PCDHGA2: variants seen among roughly 807,000 people sequenced by gnomAD.
PCDHGA2 encodes protocadherin gamma subfamily A, 2.
A neutral mutation model predicts 59.2 loss-of-function variants in PCDHGA2; 40 were observed. That is an observed-to-expected ratio of 0.68 (90% CI 0.52 to 0.88). The LOEUF is 0.88. PCDHGA2 is among the 40% of genes least tolerant of loss of function. PCDHGA2 has a pLI of 0.00. For missense variants in PCDHGA2, 1,226 were observed against 1,204.0 expected (o/e 1.02, Z -0.27); for synonymous variants, 560 against 526.0 (o/e 1.06, Z -0.89).
intron 1 of PCDHGA2, among the ~76,000 whole-genome samples, chr5:141,346,816 T>C (rs1341406572): frequency 6.6e-6 from 1 of 152,256 alleles, no homozygotes; most frequent in East Asian, 1.9e-4. Context: ...CTGGTTTGTA[T>C]ACCTGTGATA....
At chr5:141,370,547 C>T in intron 1 of PCDHGA2, 1 of 1,613,888 alleles carries the variant, frequency 6.2e-7, no homozygotes, top group Non-Finnish European at 8.5e-7. Flanking sequence ...GGAACCTCGC[C>T]AAGGACCTGG....
Position 141,340,323 on chromosome 5 carries a change from C to A in PCDHGA2, c.1352C>A (p.Ala451Asp). The A allele has an allele frequency of 6.2e-7, 1 of 1,614,136 alleles. No individual in the cohort carries two copies. The highest frequency in any genetic ancestry group is 8.5e-7 in the Non-Finnish European group (1 of 1,180,020). ...QVADINDNAPAFSRTSYSTYI... is the reference protein window; with the variant it reads ...QVADINDNAPDFSRTSYSTYI... ...GCAGACATCAACGACAACGCACCCGCCTTCTCCCGCACATCCTACTCCACC... is the reference window on the plus strand; with the variant it reads ...GCAGACATCAACGACAACGCACCCGACTTCTCCCGCACATCCTACTCCACC... The change falls in exon 1 of 4, where the codon GCC (alanine) becomes GAC (aspartate). Residue 451 changes from alanine (A) to aspartate (D), a missense_variant. By Grantham distance (126) the Ala-to-Asp change is moderately radical (BLOSUM62 -2). Coordinates refer to ENST00000394576, the MANE Select transcript of PCDHGA2 (RefSeq NM_018915.4).
intron 1 of PCDHGA2, among the ~76,000 whole-genome samples, chr5:141,438,349 C>G (rs892834423): frequency 6.6e-6 from 1 of 151,762 alleles, no homozygotes; most frequent in Non-Finnish European, 1.5e-5. Flanking sequence ...AGGATCTACT[C>G]TGTGTATTGT....
In PCDHGA2 at chr5:141,372,299, G is replaced by T. The variant is rs35459734; in HGVS notation, c.2424+30904G>T. The stretch of plus-strand genomic sequence containing the variant: ...GCACGGCGCGTACCTTGGGCGACAG[G>T]GAGGCCGCCCGCCAGCGCCTGCTGG... On this transcript the variant is annotated intron_variant, in intron 1 of 3. Coordinates refer to ENST00000394576, the MANE Select transcript of PCDHGA2 (RefSeq NM_018915.4). The T allele has an allele frequency of 1.9e-3, 2,997 of 1,613,318 alleles. 22 individuals are homozygous for T. Among genetic ancestry groups the T allele is most frequent in the African/African-American group, 0.017 (1,313 of 75,058 alleles).
At chr5:141,505,913 T>C (rs1457583355) in intron 3 of PCDHGA2, among the ~76,000 whole-genome samples, 1 of 152,098 alleles carries the variant, frequency 6.6e-6, no homozygotes, top group African/African-American at 2.4e-5. Context: ...AAGCATAGAG[T>C]TCTGGGCCTG....
chr5:141,379,889 C>CTTTTTGTTTTTTTTTTTTT (rs1775944261), intron 1 of PCDHGA2, among the ~76,000 whole-genome samples: 1 of 50,830 alleles, frequency 2.0e-5, no homozygotes, highest in Non-Finnish European at 3.9e-5. Flanking sequence ...GTGAAAGCCT[C>CTTTTTGTTTTTTTTTTTTT]TTTTTTTTTT....
chr5:141,509,024 C>T (rs2099873840), intron 3 of PCDHGA2, among the ~76,000 whole-genome samples: 1 of 152,108 alleles, frequency 6.6e-6, no homozygotes, highest in African/African-American at 2.4e-5. Flanking sequence ...GCTGCTCCCT[C>T]CCACTCAACC....
At chr5:141,497,079 C>T (rs564690352) in intron 2 of PCDHGA2, among the ~76,000 whole-genome samples, 2 of 151,982 alleles carry the variant, frequency 1.3e-5, no homozygotes, top group African/African-American at 4.8e-5. Flanking sequence ...ATCCCAGCGA[C>T]TTAGGAGGCT....
intron 1 of PCDHGA2, chr5:141,418,464 G>A: frequency 3.7e-6 from 6 of 1,614,010 alleles, no homozygotes; most frequent in Non-Finnish European, 5.1e-6. Flanking sequence ...ACTCTGGACC[G>A]AGAAACGCAG....
chr5:141,471,646 G>C (rs935284198), intron 1 of PCDHGA2: 1 of 152,108 alleles, frequency 6.6e-6, no homozygotes, highest in Non-Finnish European at 1.5e-5. Flanking sequence ...GTAATATACT[G>C]GATGTGGGGA....
chr5:141,350,207 A>G (rs1254490448), intron 1 of PCDHGA2: 2 of 1,474,560 alleles, frequency 1.4e-6, no homozygotes, highest in African/African-American at 2.8e-5. Context: ...GGGTGCTGCC[A>G]TTTCTTTTTG....
At chr5:141,458,064 C>G (rs886724551) in intron 1 of PCDHGA2, among the ~76,000 whole-genome samples, 1 of 152,104 alleles carries the variant, frequency 6.6e-6, no homozygotes, top group Admixed American at 6.6e-5. Flanking sequence ...TGCACTGATG[C>G]GAACAACTAT....
intron 1 of PCDHGA2, chr5:141,421,806 A>C (rs1027166084): frequency 4.3e-6 from 7 of 1,613,724 alleles, no homozygotes; most frequent in Non-Finnish European, 5.1e-6. Flanking sequence ...CCAAGAATCC[A>C]GAGCTAGTAC....
At chr5:141,394,240 C>T in intron 1 of PCDHGA2, 1 of 1,613,940 alleles carries the variant, frequency 6.2e-7, no homozygotes, top group Non-Finnish European at 8.5e-7. Context: ...TCCTTGACTG[C>T]ACACGACCCC....
Position 141,339,664 on chromosome 5 carries a change from G to A in PCDHGA2, c.693G>A (p.Lys231=). The change falls in exon 1 of 4, where the codon AAG becomes AAA. Residue 231 remains lysine, a synonymous_variant. Coordinates refer to ENST00000394576, the MANE Select transcript of PCDHGA2 (RefSeq NM_018915.4). The part of the protein sequence containing the change: ...VLSGTSRICV[K]VLDANDNAPV... ...CTGGCACCTCCCGCATCTGCGTGAA[G>A]GTCCTGGATGCGAACGACAATGCGC... The A allele has an allele frequency of 3.1e-6, 5 of 1,614,206 alleles. No individual in the cohort carries two copies. The highest frequency in any genetic ancestry group is 4.2e-6 in the Non-Finnish European group (5 of 1,180,040).
chr5:141,403,384 A>C lies in PCDHGA2; in HGVS notation c.2424+61989A>C, dbSNP rs201959000. 4.4e-4 allele frequency: 703 copies of C among 1,614,030 alleles called. No homozygotes were observed. Among genetic ancestry groups the C allele is most frequent in the Non-Finnish European group, 5.5e-4 (652 of 1,179,890 alleles). ...AAAGTCTGGAAGTAAAAATTAACGA[A>C]ATCGCGGTTCCTGGAGCACGTTATC... On this transcript the variant is annotated intron_variant, in intron 1 of 3. Coordinates refer to ENST00000394576, the MANE Select transcript of PCDHGA2 (RefSeq NM_018915.4).
chr5:141,356,937 C>A, intron 1 of PCDHGA2: 2 of 1,614,226 alleles, frequency 1.2e-6, no homozygotes, highest in Non-Finnish European at 1.7e-6. Flanking sequence ...AGCTGGCACC[C>A]CGCTCCGCAG....
chr5:141,347,975 A>G (rs1758045061), intron 1 of PCDHGA2, among the ~76,000 whole-genome samples: 1 of 152,214 alleles, frequency 6.6e-6, no homozygotes, highest in Non-Finnish European at 1.5e-5. Flanking sequence ...GGACATCAAA[A>G]ACATGTAAAG....
At chr5:141,362,329 A>G (rs1463168776) in intron 1 of PCDHGA2, 5 of 1,613,930 alleles carry the variant, frequency 3.1e-6, no homozygotes, top group Non-Finnish European at 4.2e-6. Flanking sequence ...GCCTGGTCTC[A>G]GCTCCAAGCC....
Sources: gnomAD v4.1 joint callset for allele counts (sites outside exome capture counted in the v4.1 genomes callset) on GRCh38, gnomAD v4.1.1 for gene constraint, MANE v1.5 for transcripts, NCBI Gene and HGNC (gene_info 2026-07-23, HGNC 2026-07-21) for gene names.